PPP6R3: variants seen among roughly 807,000 people sequenced by gnomAD.
PPP6R3 encodes protein phosphatase 6 regulatory subunit 3.
PPP6R3 carries 38 observed loss-of-function variants against 110.7 expected under a neutral mutation model. That is an observed-to-expected ratio of 0.34 (90% confidence interval 0.26 to 0.45). PPP6R3 has a LOEUF of 0.45. Ranked by LOEUF, PPP6R3 falls within the 20% of genes least tolerant of loss-of-function variation. PPP6R3 has a pLI of 1.00. For synonymous variants in PPP6R3, 369 were observed against 373.5 expected (o/e 0.99, Z 0.14); for missense variants, 870 against 1,062.4 (o/e 0.82, Z 2.52).
chr11:68,471,450 C>T (rs903767244), intron 1 of PPP6R3, among the ~76,000 whole-genome samples: 11 of 151,966 alleles, frequency 7.2e-5, no homozygotes, highest in African/African-American at 1.2e-4. Context: ...GAGGATGGAG[C>T]GGGGACCTCT....
intron 1 of PPP6R3, among the ~76,000 whole-genome samples, chr11:68,474,979 G>A (rs886552212): frequency 6.6e-6 from 1 of 151,862 alleles, no homozygotes. Context: ...ATTTGGCAGG[G>A]TCACAGGACA....
At chr11:68,609,505 T>TG in intron 22 of PPP6R3, 1 of 1,263,196 alleles carries the variant, frequency 7.9e-7, no homozygotes, top group African/African-American at 1.5e-5. Flanking sequence ...TCTGCAGTTT[T>TG]GCTTACGTGC....
chr11:68,490,543 T>C (rs755636755), intron 1 of PPP6R3, among the ~76,000 whole-genome samples: 1 of 152,162 alleles, frequency 6.6e-6, no homozygotes, highest in Non-Finnish European at 1.5e-5. Flanking sequence ...ACTTCAAATA[T>C]TGCTTCTTTC....
intron 10 of PPP6R3, among the ~76,000 whole-genome samples, chr11:68,569,061 C>T (rs543424667): frequency 6.6e-6 from 1 of 152,206 alleles, no homozygotes; most frequent in Admixed American, 6.5e-5. Context: ...CGCCTGGCCT[C>T]TTATAAATTT....
chr11:68,478,490 C>T (rs972807610), intron 1 of PPP6R3, among the ~76,000 whole-genome samples: 2 of 151,940 alleles, frequency 1.3e-5, no homozygotes, highest in Non-Finnish European at 2.9e-5. Context: ...TGACAAGTGA[C>T]TTTTGGTTAC....
Position 68,477,741 on chromosome 11 carries a change from A to AAAAAAAT in PPP6R3, c.-158+16915_-158+16916insAAAAATA. On this transcript the variant is annotated intron_variant, in intron 1 of 23. Coordinates refer to ENST00000393800, the MANE Select transcript of PPP6R3 (RefSeq NM_001164161.2). ...GACATTGTCTCTTAAAAAAAAAAAA[A>AAAAAAAT]ATATATATATATATATATATATATA... is the stretch of plus-strand genomic sequence containing the variant. 3.2e-3 allele frequency among the ~76,000 whole-genome samples: 188 copies of AAAAAAAT among 57,892 alleles called. 2 individuals are homozygous for AAAAAAAT. The highest frequency in any genetic ancestry group is 6.2e-3 in the African/African-American group (87 of 14,026). 38.0% of individuals were successfully genotyped at this position (57,892 alleles called of 152,430 possible).
At chr11:68,611,777 A>G (rs1373592838) in intron 23 of PPP6R3, among the ~76,000 whole-genome samples, 1 of 152,210 alleles carries the variant, frequency 6.6e-6, no homozygotes, top group Non-Finnish European at 1.5e-5. Context: ...GGGCAGACCT[A>G]GAGTGCGTCC....
intron 1 of PPP6R3, among the ~76,000 whole-genome samples, chr11:68,489,584 A>T (rs1313944823): frequency 8.5e-6 from 1 of 117,182 alleles, no homozygotes; most frequent in East Asian, 2.2e-4. Flanking sequence ...GTGTGTTTTA[A>T]TGAACAAATT....
chr11:68,504,074 C>T (rs1224607345), intron 1 of PPP6R3, among the ~76,000 whole-genome samples: 6 of 152,290 alleles, frequency 3.9e-5, no homozygotes, highest in African/African-American at 1.2e-4. Flanking sequence ...TCCAGCAGAT[C>T]CACTTCTGGA....
intron 8 of PPP6R3, among the ~76,000 whole-genome samples, chr11:68,561,224 C>T (rs1195639054): frequency 2.0e-5 from 3 of 152,144 alleles, no homozygotes; most frequent in African/African-American, 7.2e-5. Flanking sequence ...ATATGTTAAG[C>T]TGTTTCATTA....
intron 1 of PPP6R3, among the ~76,000 whole-genome samples, chr11:68,505,629 C>T (rs185787057): frequency 2.6e-5 from 4 of 152,084 alleles, no homozygotes; most frequent in African/African-American, 9.6e-5. Flanking sequence ...TGGCAAAAAC[C>T]TGATTACTTT....
chr11:68,614,470 C>T lies in PPP6R3; in HGVS notation c.*1353C>T. On this transcript the variant is annotated 3_prime_UTR_variant, in exon 24 of 24. Transcript: ENST00000393800. Reference sequence around the variant, plus strand: ...ACGTATTTTTACATCATTTGTTTTTCCTGACCAGTATTTAAAACCAAAAGG... The same window carrying T: ...ACGTATTTTTACATCATTTGTTTTTTCTGACCAGTATTTAAAACCAAAAGG... 1 of 1,372,598 alleles carries T rather than the reference C, an allele frequency of 7.3e-7. No individual in the cohort carries two copies. Among genetic ancestry groups the T allele is most frequent in the Non-Finnish European group, 9.4e-7 (1 of 1,066,694 alleles). The allele number at this position is 1,372,598 out of a possible 1,614,324, so 85.0% of individuals were successfully genotyped here.
intron 3 of PPP6R3, among the ~76,000 whole-genome samples, chr11:68,538,162 TAGTA>T (rs1337547228): frequency 6.6e-6 from 1 of 152,230 alleles, no homozygotes; most frequent in Non-Finnish European, 1.5e-5. Context: ...TATCTCAAAA[TAGTA>T]AGATGATTAA....
intron 1 of PPP6R3, among the ~76,000 whole-genome samples, chr11:68,483,368 G>C (rs1396691516): frequency 1.3e-5 from 2 of 152,188 alleles, no homozygotes; most frequent in African/African-American, 4.8e-5. Context: ...AAAATATGGA[G>C]GAGAGTTCCC....
intron 1 of PPP6R3, among the ~76,000 whole-genome samples, chr11:68,508,121 CTTTTTTTTTTTT>C (rs748376581): frequency 2.6e-5 from 2 of 77,610 alleles, no homozygotes; most frequent in Admixed American, 1.8e-4. Flanking sequence ...GTTTTTTGGC[CTTTTTTTTTTTT>C]TTTTTTTTTT....
At chr11:68,563,574 A>G (rs2099438848) in intron 8 of PPP6R3, among the ~76,000 whole-genome samples, 1 of 152,242 alleles carries the variant, frequency 6.6e-6, no homozygotes, top group Non-Finnish European at 1.5e-5. Context: ...GTAGGAGAGC[A>G]TCATTCAGCC....
At chr11:68,556,147 G>T (rs551321266) in intron 7 of PPP6R3, among the ~76,000 whole-genome samples, 5 of 152,092 alleles carry the variant, frequency 3.3e-5, no homozygotes, top group Admixed American at 2.6e-4. Context: ...AGCTTGCCGA[G>T]CTCTATATTA....
At chr11:68,490,627 GT>G (rs796345118) in intron 1 of PPP6R3, among the ~76,000 whole-genome samples, 61 of 146,178 alleles carry the variant, frequency 4.2e-4, no homozygotes, top group East Asian at 2.6e-3. Flanking sequence ...GATATTTTCT[GT>G]TTTTTTTTTC....
intron 1 of PPP6R3, among the ~76,000 whole-genome samples, chr11:68,476,254 A>C (rs1195922297): frequency 6.6e-6 from 1 of 152,172 alleles, no homozygotes; most frequent in Non-Finnish European, 1.5e-5. Flanking sequence ...CGCGGTTAGG[A>C]GCTGGAGACC....
Sources: allele counts gnomAD v4.1 joint callset (sites outside exome capture counted in the v4.1 genomes callset), GRCh38; gene constraint gnomAD v4.1.1; transcripts MANE v1.5; gene names NCBI Gene and HGNC (gene_info 2026-07-23, HGNC 2026-07-21).